LPAR3: variants seen among roughly 807,000 people sequenced by gnomAD.
The protein encoded by LPAR3 is lysophosphatidic acid receptor 3.
LPAR3 carries 7 observed loss-of-function variants against 17.8 expected under a neutral mutation model. That is an observed-to-expected ratio of 0.39 (90% CI 0.22 to 0.74). The LOEUF is 0.74. Among genes scored for constraint, LPAR3 ranks in the 30% least tolerant of loss-of-function variants. The pLI, the probability that LPAR3 is intolerant of heterozygous loss-of-function variation, is 0.40. For missense variants in LPAR3, 391 were observed against 453.4 expected, an observed-to-expected ratio of 0.86 and a Z score of 1.25; for synonymous variants, 179 against 179.9, an observed-to-expected ratio of 0.99 and a Z score of 0.04.
intron 2 of LPAR3, among the ~76,000 whole-genome samples, chr1:84,849,524 GCAGA>G (rs1388146371): frequency 6.6e-6 from 1 of 152,100 alleles, no homozygotes; most frequent in Non-Finnish European, 1.5e-5. Context: ...GCCCAGATAG[GCAGA>G]CTCAGCACAG....
chr1:84,857,825 G>T (rs967033637), intron 2 of LPAR3, among the ~76,000 whole-genome samples: 1 of 152,094 alleles, frequency 6.6e-6, no homozygotes, highest in East Asian at 1.9e-4. Flanking sequence ...GAACCTTTTC[G>T]GGCCTCAGTT....
At position 84,881,206 on chromosome 1, in the gene LPAR3, C is replaced by A. The variant is rs577323590; in HGVS notation, c.-19+11810G>T. 4.0e-5 allele frequency among the ~76,000 whole-genome samples: 6 copies of A among 151,686 alleles called. No homozygotes were observed. The East Asian group carries it at 1.2e-3, about 30-fold the overall frequency. On this transcript the variant is annotated intron_variant, in intron 1 of 2. Coordinates refer to ENST00000370611, the MANE Select transcript of LPAR3 (RefSeq NM_012152.3). ...AAGGAAAGCATGGCAGGTTGTGAGG[C>A]ATGGTAGGGGCAGGATGGTGAGGGG...
chr1:84,887,214 C>CAAA (rs554500915), intron 1 of LPAR3, among the ~76,000 whole-genome samples: 1 of 137,388 alleles, frequency 7.3e-6, no homozygotes, highest in Non-Finnish European at 1.6e-5. Context: ...ACAAAAAATA[C>CAAA]AAAAAAAAAA....
intron 1 of LPAR3, among the ~76,000 whole-genome samples, chr1:84,870,528 T>C (rs1413887861): frequency 6.6e-6 from 1 of 152,250 alleles, no homozygotes; most frequent in Non-Finnish European, 1.5e-5. Flanking sequence ...TAGCGAGCTC[T>C]GTCACCTATT....
At chr1:84,873,464 A>G (rs1455518097) in intron 1 of LPAR3, among the ~76,000 whole-genome samples, 1 of 152,260 alleles carries the variant, frequency 6.6e-6, no homozygotes, top group Non-Finnish European at 1.5e-5. Flanking sequence ...CCTGTCTTTC[A>G]TAAGCAGTTA....
chr1:84,872,334 A>G (rs911454982), intron 1 of LPAR3, among the ~76,000 whole-genome samples: 1 of 152,282 alleles, frequency 6.6e-6, no homozygotes, highest in Middle Eastern at 3.4e-3. Context: ...CTTGGCTCCA[A>G]GTCCTGCAAG....
chr1:84,870,979 T>C (rs1315082557), intron 1 of LPAR3, among the ~76,000 whole-genome samples: 1 of 152,212 alleles, frequency 6.6e-6, no homozygotes. Flanking sequence ...TAAATAGCCT[T>C]TGGCCTTTTT....
chr1:84,821,635 G>A (rs1271499114), intron 2 of LPAR3, among the ~76,000 whole-genome samples: 2 of 152,162 alleles, frequency 1.3e-5, no homozygotes, highest in African/African-American at 4.8e-5. Flanking sequence ...TCTCCCTAGG[G>A]AATGCTTTTG....
rs530879833 is a variant in LPAR3 at position 84,867,262 on chromosome 1, C to T, written c.-18-1124G>A. ...ACAGTGGTCTGGCCACAGCCATGAA[C>T]GGTCCTACGGAAGAAGATTGGGCTT... On this transcript the variant is annotated intron_variant, in intron 1 of 2. Coordinates refer to ENST00000370611, the MANE Select transcript of LPAR3 (RefSeq NM_012152.3). Among the ~76,000 whole-genome samples the T allele has an allele frequency of 1.4e-4, 21 of 152,312 alleles. No individual in the cohort carries two copies. In the South Asian group the frequency reaches 3.9e-3, roughly 29 times the overall value.
chr1:84,833,899 A>G (rs1372107190), intron 2 of LPAR3, among the ~76,000 whole-genome samples: 1 of 152,210 alleles, frequency 6.6e-6, no homozygotes, highest in East Asian at 1.9e-4. Flanking sequence ...CTCAAACTCA[A>G]GAGTCTGGGA....
At chr1:84,834,312 T>G (rs1659352234) in intron 2 of LPAR3, among the ~76,000 whole-genome samples, 1 of 152,154 alleles carries the variant, frequency 6.6e-6, no homozygotes, top group Non-Finnish European at 1.5e-5. Context: ...AGTGCATAAA[T>G]GAACAATCTG....
chr1:84,832,234 C>A (rs1053545522), intron 2 of LPAR3, among the ~76,000 whole-genome samples: 4 of 152,172 alleles, frequency 2.6e-5, no homozygotes, highest in African/African-American at 4.8e-5. Flanking sequence ...CAGGCCCCCT[C>A]CCCATCTAGG....
intron 1 of LPAR3, among the ~76,000 whole-genome samples, chr1:84,870,050 A>T (rs1025251140): frequency 1.3e-5 from 2 of 152,192 alleles, no homozygotes; most frequent in African/African-American, 4.8e-5. Flanking sequence ...TCTTAGCTAG[A>T]ATTACCAAAA....
intron 1 of LPAR3, among the ~76,000 whole-genome samples, chr1:84,891,738 TG>T (rs1373715021): frequency 6.6e-6 from 1 of 152,246 alleles, no homozygotes; most frequent in Non-Finnish European, 1.5e-5. Context: ...ATTGTCTGTC[TG>T]TAATTGACAT....
intron 2 of LPAR3, among the ~76,000 whole-genome samples, chr1:84,825,137 T>C (rs561482320): frequency 1.8e-4 from 27 of 152,192 alleles, no homozygotes; most frequent in Middle Eastern, 3.4e-3. Flanking sequence ...GGTTGTGGGG[T>C]TCTCTCATAG....
Position 84,813,961 on chromosome 1 carries a change from G to C in LPAR3, c.947C>G (p.Pro316Arg). The C allele has an allele frequency of 6.2e-7, 1 of 1,614,160 alleles. No homozygotes were observed. Among genetic ancestry groups the C allele is most frequent in the Non-Finnish European group, 8.5e-7 (1 of 1,180,020 alleles). Reference protein sequence around the residue: ...KMICCFSQENPERRPSRIPST... With the variant: ...KMICCFSQENRERRPSRIPST... ...GGGGATGCGAGAGGGACGCCTCTCT[G>C]GGTTCTCCTGAGAGAAGCAGCAGAT... Residue 316 changes from proline to arginine, a missense_variant, in exon 3 of 3, where the codon CCA becomes CGA. By Grantham distance (103) the Pro-to-Arg change is moderately radical. Transcript: ENST00000370611.
At chr1:84,822,758 C>A (rs762558568) in intron 2 of LPAR3, among the ~76,000 whole-genome samples, 1 of 152,154 alleles carries the variant, frequency 6.6e-6, no homozygotes, top group Non-Finnish European at 1.5e-5. Context: ...AAGGCCTGTT[C>A]AACATTCAAA....
At chr1:84,866,598 A>G (rs1660056041) in intron 1 of LPAR3, among the ~76,000 whole-genome samples, 1 of 152,198 alleles carries the variant, frequency 6.6e-6, no homozygotes, top group Non-Finnish European at 1.5e-5. Context: ...CCAGTTCATT[A>G]GTTATTTATG....
chr1:84,865,916 A>G lies in LPAR3; in HGVS notation c.205T>C (p.Leu69=), dbSNP rs757522816. The change falls in exon 2 of 3, where the codon TTG becomes CTG. Residue 69 remains leucine (L), a synonymous_variant. Transcript: ENST00000370611. The stretch of plus-strand genomic sequence containing the variant: ...AAATCGGCAGCAGCTAAATTAGCCA[A>G]CAGGTAGTAGAAGGGGAAATGAAAT... The part of the protein sequence containing the change: ...RKFHFPFYYL[L]ANLAAADFFA... 2.5e-6 allele frequency: 4 copies of G among 1,614,186 alleles called. No homozygotes were observed. In the East Asian group the frequency reaches 8.9e-5, roughly 36 times the overall value.
Sources: allele counts gnomAD v4.1 joint callset (sites outside exome capture counted in the v4.1 genomes callset), GRCh38; gene constraint gnomAD v4.1.1; transcripts MANE v1.5; gene names NCBI Gene and HGNC (gene_info 2026-07-23, HGNC 2026-07-21).